PRKG2: variants seen among roughly 807,000 people sequenced by gnomAD.
The protein encoded by PRKG2 is cGMP-dependent protein kinase 2.
Under a neutral mutation model 97.2 loss-of-function variants are expected in PRKG2, and 33 were observed. The observed-to-expected ratio is 0.34, with a 90% CI of 0.26 to 0.45. The LOEUF (loss-of-function observed/expected upper bound fraction) is 0.45, where lower values mean the gene tolerates loss of function less well. PRKG2 is among the 20% of genes least tolerant of loss of function. The probability of loss-of-function intolerance (pLI) is 1.00; values close to 1 mark genes in which losing one functional copy is unlikely to be tolerated. For synonymous variants in PRKG2, 330 were observed against 321.8 expected, an observed-to-expected ratio of 1.03 and a Z score of -0.27; for missense variants, 638 against 900.0, an observed-to-expected ratio of 0.71 and a Z score of 3.73.
At position 81,133,804 on chromosome 4, in the gene PRKG2, T is replaced by TA. The variant is rs1307005917; in HGVS notation, c.1776+1350dup. On this transcript the variant is annotated intron_variant, in intron 14 of 18. Coordinates refer to ENST00000264399, the MANE Select transcript of PRKG2 (RefSeq NM_006259.3). ...CTACACATGTGAAATATGTTTTTTT[T>TA]AAAAAAAAGCATCTCTATGCCTATA... is the stretch of plus-strand genomic sequence containing the variant. Among the ~76,000 whole-genome samples the TA allele has an allele frequency of 3.3e-5, 5 of 151,758 alleles. 1 individual carries two copies. The highest frequency in any genetic ancestry group is 7.3e-5 in the African/African-American group (3 of 41,278).
At chr4:81,123,400 T>C (rs1745248949) in intron 14 of PRKG2, among the ~76,000 whole-genome samples, 1 of 151,652 alleles carries the variant, frequency 6.6e-6, no homozygotes, top group Non-Finnish European at 1.5e-5. Context: ...TAGGTGATTT[T>C]TGTTTGTTTG....
chr4:81,186,382 T>C (rs1406942298), intron 2 of PRKG2, among the ~76,000 whole-genome samples: 1 of 152,032 alleles, frequency 6.6e-6, no homozygotes, highest in Non-Finnish European at 1.5e-5. Context: ...ACTGGGTAAA[T>C]AACAAAATTA....
chr4:81,217,358 G>A (rs1336740683), upstream of PRKG2, among the ~76,000 whole-genome samples: 1 of 152,144 alleles, frequency 6.6e-6, no homozygotes, highest in African/African-American at 2.4e-5. Context: ...CTTGAAAGCT[G>A]TCGATGCAGT....
chr4:81,195,308 G>C (rs1752890408), intron 2 of PRKG2, among the ~76,000 whole-genome samples: 1 of 152,116 alleles, frequency 6.6e-6, no homozygotes, highest in South Asian at 2.1e-4. Flanking sequence ...CCAGCATTCT[G>C]TCTGGAACCT....
At chr4:81,113,359 G>A (rs769411668) in intron 14 of PRKG2, among the ~76,000 whole-genome samples, 1 of 147,798 alleles carries the variant, frequency 6.8e-6, no homozygotes, top group Non-Finnish European at 1.5e-5. Flanking sequence ...GTTTCAAGAA[G>A]AGCACCCCCC....
At chr4:81,104,332 A>G in intron 17 of PRKG2, 38 bp downstream of exon 17, 1 of 1,444,864 alleles carries the variant, frequency 6.9e-7, no homozygotes, top group South Asian at 1.3e-5. Context: ...TGTTCTCTAA[A>G]TTTCTATATT....
intron 14 of PRKG2, among the ~76,000 whole-genome samples, chr4:81,118,520 C>A (rs1560551697): frequency 6.6e-6 from 1 of 152,096 alleles, no homozygotes; most frequent in Non-Finnish European, 1.5e-5. Flanking sequence ...TATCTCATTG[C>A]TTTGATTTGC....
At chr4:81,093,666 T>C (rs912323349) in intron 17 of PRKG2, among the ~76,000 whole-genome samples, 14 of 152,170 alleles carry the variant, frequency 9.2e-5, no homozygotes, top group Non-Finnish European at 1.6e-4. Context: ...AGAAAAAGTA[T>C]TTTACAGTAA....
In PRKG2 at chr4:81,163,749, G is replaced by C. The variant is rs376936736; in HGVS notation, c.912+3412C>G. Among the ~76,000 whole-genome samples, 98 of 152,180 alleles carry C rather than the reference G, an allele frequency of 6.4e-4. No homozygotes were observed. The South Asian group carries it at 0.02, about 30-fold the overall frequency. On this transcript the variant is annotated intron_variant, in intron 6 of 18. Coordinates refer to ENST00000264399, the MANE Select transcript of PRKG2 (RefSeq NM_006259.3). ...ATGAAGGAAGGCAATGACTTCCTTA[G>C]AGCCTTTAATTTGCAGCTACAAATC...
chr4:81,089,220 G>A lies in PRKG2; in HGVS notation c.*488C>T, dbSNP rs961247636. On this transcript the variant is annotated 3_prime_UTR_variant, in exon 19 of 19. Coordinates refer to ENST00000264399, the MANE Select transcript of PRKG2 (RefSeq NM_006259.3). The stretch of plus-strand genomic sequence containing the variant: ...GTCAGGAGGTTCTGTTGGCTACCAT[G>A]GTTTCTGCAAACCACCATTTTAAGA... The A allele has an allele frequency of 7.2e-5, 11 of 152,340 alleles. No homozygotes were observed. Among genetic ancestry groups the A allele is most frequent in the African/African-American group, 2.4e-4 (10 of 41,524 alleles). The allele number at this position is 152,340 out of a possible 1,614,324, so 9.4% of individuals were successfully genotyped here.
chr4:81,146,763 T>A (rs1747894582), intron 9 of PRKG2, among the ~76,000 whole-genome samples: 1 of 152,130 alleles, frequency 6.6e-6, no homozygotes, highest in South Asian at 2.1e-4. Flanking sequence ...GAGAGACAGA[T>A]GTTAAATAAA....
At chr4:81,134,019 G>A (rs935553344) in intron 14 of PRKG2, among the ~76,000 whole-genome samples, 5 of 152,152 alleles carry the variant, frequency 3.3e-5, no homozygotes, top group Admixed American at 1.3e-4. Flanking sequence ...GAACAGAAGT[G>A]ATTGGGGTCC....
chr4:81,161,857 C>T (rs1749612408), intron 6 of PRKG2, among the ~76,000 whole-genome samples: 2 of 149,200 alleles, frequency 1.3e-5, no homozygotes, highest in Non-Finnish European at 3.0e-5. Flanking sequence ...AAACTTTAAG[C>T]ATACCATTAA....
At chr4:81,117,855 C>T (rs1394259266) in intron 14 of PRKG2, among the ~76,000 whole-genome samples, 1 of 152,172 alleles carries the variant, frequency 6.6e-6, no homozygotes, top group Non-Finnish European at 1.5e-5. Flanking sequence ...CACCCAAAGT[C>T]CACCTGTTAC....
intron 9 of PRKG2, among the ~76,000 whole-genome samples, chr4:81,145,191 C>T (rs1166297972): frequency 1.3e-5 from 2 of 152,092 alleles, no homozygotes; most frequent in African/African-American, 4.8e-5. Context: ...ACACTGTCTT[C>T]CACAATGGCT....
intron 18 of PRKG2, among the ~76,000 whole-genome samples, chr4:81,091,082 T>C (rs546716295): frequency 6.6e-6 from 1 of 152,262 alleles, no homozygotes; most frequent in Non-Finnish European, 1.5e-5. Context: ...CAAGAAAGAT[T>C]GTCAAGCATA....
chr4:81,169,883 T>C (rs1197415455), intron 4 of PRKG2, 115 bp from the exon 5 acceptor site: 4 of 616,432 alleles, frequency 6.5e-6, no homozygotes, highest in Non-Finnish European at 1.0e-5. Context: ...TCTTGGAAAA[T>C]GTATTATTTA....
chr4:81,143,786 A>G (rs970624911), intron 10 of PRKG2, among the ~76,000 whole-genome samples: 9 of 152,182 alleles, frequency 5.9e-5, no homozygotes, highest in African/African-American at 1.9e-4. Flanking sequence ...TTTCTAGTAC[A>G]CACAAAAAAT....
chr4:81,182,195 A>G (rs1424034060), intron 2 of PRKG2, among the ~76,000 whole-genome samples: 2 of 151,906 alleles, frequency 1.3e-5, no homozygotes, highest in African/African-American at 4.8e-5. Context: ...ATAGAGGGAC[A>G]AAAGTAAAAA....
Sources: allele counts gnomAD v4.1 joint callset (sites outside exome capture counted in the v4.1 genomes callset), GRCh38; gene constraint gnomAD v4.1.1; transcripts MANE v1.5; gene names NCBI Gene and HGNC (gene_info 2026-07-23, HGNC 2026-07-21).